NCAPD2: variants seen among roughly 807,000 people sequenced by gnomAD.
NCAPD2 encodes the protein non-SMC condensin I complex subunit D2.
A neutral mutation model predicts 164.5 loss-of-function variants in NCAPD2; 100 were observed. The ratio of observed to expected loss-of-function variants is 0.61; its 90% CI spans 0.52 to 0.72. The LOEUF (loss-of-function observed/expected upper bound fraction) is 0.72. Ranked by LOEUF, NCAPD2 falls within the 30% of genes least tolerant of loss-of-function variation. The pLI is 0.00. For synonymous variants in NCAPD2, 585 were observed against 642.6 expected (o/e 0.91, Z 1.36); for missense variants, 1,560 against 1,749.2 (o/e 0.89, Z 1.93).
chr12:6,529,055 C>T lies in NCAPD2; in HGVS notation c.3572+16C>T, dbSNP rs368481967. The T allele has an allele frequency of 1.2e-6, 2 of 1,604,190 alleles. No homozygotes were observed. The highest frequency in any genetic ancestry group is 1.7e-5 in the Admixed American group (1 of 59,996). On this transcript the variant is annotated intron_variant, in intron 27 of 31. Coordinates refer to ENST00000315579, the MANE Select transcript of NCAPD2 (RefSeq NM_014865.4). ...CCATCATGAAGTATTGCTCCCCGGG[C>T]CCTGGGGCACATTTTCCACATAGCA...
chr12:6,517,934 C>T lies in NCAPD2; in HGVS notation c.1564C>T (p.Gln522Ter), dbSNP rs745591282. 1 of 1,613,910 alleles carries T rather than the reference C, an allele frequency of 6.2e-7. No individual in the cohort carries two copies. The highest frequency in any genetic ancestry group is 1.1e-5 in the South Asian group (1 of 91,048). ...TTEDVKGRIY[Q>*]LLAKASYKKA... is the part of the protein sequence containing the mutation. ...TGAAGATGTGAAAGGACGCATCTAT[C>T]AACTGCTTGCCAAAGCTAGTTACAA... Residue 522 changes from glutamine to a stop codon, truncating the protein, a stop_gained, in exon 13 of 32, where the codon CAA becomes TAA. Coordinates refer to ENST00000315579, the MANE Select transcript of NCAPD2 (RefSeq NM_014865.4). LOFTEE classifies it high-confidence loss of function.
intron 16 of NCAPD2, 71 bp from the exon 17 acceptor site, chr12:6,523,191 G>C: frequency 6.6e-7 from 1 of 1,517,748 alleles, no homozygotes; most frequent in South Asian, 1.1e-5. Flanking sequence ...TGGTGGGATA[G>C]CCCTAATCAC....
intron 2 of NCAPD2, among the ~76,000 whole-genome samples, chr12:6,499,492 A>G (rs868064421): frequency 6.6e-6 from 1 of 152,074 alleles, no homozygotes; most frequent in Non-Finnish European, 1.5e-5. Context: ...GGTTCAAGCA[A>G]TTCTCCTGCT....
intron 22 of NCAPD2, among the ~76,000 whole-genome samples, chr12:6,527,518 T>C (rs1445985910): frequency 6.6e-6 from 1 of 152,268 alleles, no homozygotes; most frequent in Non-Finnish European, 1.5e-5. Context: ...GTGATCCATC[T>C]GTTTACCATA....
chr12:6,515,810 T>G (rs1946193090), intron 9 of NCAPD2, among the ~76,000 whole-genome samples: 1 of 152,224 alleles, frequency 6.6e-6, no homozygotes, highest in Non-Finnish European at 1.5e-5. Context: ...CTCTTAAGGC[T>G]GATTTCCATG....
At chr12:6,506,976 A>T (rs985005867) in intron 2 of NCAPD2, among the ~76,000 whole-genome samples, 14 of 152,360 alleles carry the variant, frequency 9.2e-5, no homozygotes, top group Middle Eastern at 6.8e-3. Flanking sequence ...TTCTCCAGTG[A>T]GAGGGCCTAA....
intron 9 of NCAPD2, among the ~76,000 whole-genome samples, chr12:6,516,144 C>T (rs867197915): frequency 3.3e-5 from 5 of 149,450 alleles, no homozygotes; most frequent in South Asian, 2.1e-4. Context: ...TACAGTGAGC[C>T]GAGATCGCAC....
Position 6,529,507 on chromosome 12 carries a change from C to G in NCAPD2, c.3573-6C>G. The G allele has an allele frequency of 6.2e-7, 1 of 1,613,932 alleles. No homozygotes were observed. Among genetic ancestry groups the G allele is most frequent in the Non-Finnish European group, 8.5e-7 (1 of 1,179,808 alleles). ...CATCGAACATCCTCATCTCCCCTTCCTGCAGACAGCTCCTCTCCTACATCA... is the reference window on the plus strand; with the variant it reads ...CATCGAACATCCTCATCTCCCCTTCGTGCAGACAGCTCCTCTCCTACATCA... On this transcript the variant is annotated splice_region_variant and splice_polypyrimidine_tract_variant and intron_variant, in intron 27 of 31. Coordinates refer to ENST00000315579, the MANE Select transcript of NCAPD2 (RefSeq NM_014865.4).
intron 2 of NCAPD2, among the ~76,000 whole-genome samples, chr12:6,501,486 C>A (rs1215968419): frequency 2.0e-5 from 3 of 152,182 alleles, no homozygotes; most frequent in South Asian, 2.1e-4. Context: ...CCACACCCGG[C>A]CTTACAAGGC....
chr12:6,514,757 TTTC>T lies in NCAPD2; in HGVS notation c.840-12_840-10del. ...TTGATCTATGTTGCTATGGCTGTGT[TTTC>T]TTCCCTGTGTAGAGAGATTGGACAA... On this transcript the variant is annotated splice_polypyrimidine_tract_variant and intron_variant, in intron 8 of 31. Transcript: ENST00000315579. 6.2e-7 allele frequency: 1 copy of T among 1,613,870 alleles called. No homozygotes were observed. The highest frequency in any genetic ancestry group is 8.5e-7 in the Non-Finnish European group (1 of 1,179,776).
At position 6,518,833 on chromosome 12, in the gene NCAPD2, T is replaced by C. The variant is rs192309466; in HGVS notation, c.1589+874T>C. Among the ~76,000 whole-genome samples, 22 of 151,568 alleles carry C rather than the reference T, an allele frequency of 1.5e-4. No homozygotes were observed. The East Asian group carries it at 3.3e-3, about 23-fold the overall frequency. On this transcript the variant is annotated intron_variant, in intron 13 of 31. Coordinates refer to ENST00000315579, the MANE Select transcript of NCAPD2 (RefSeq NM_014865.4). ...ACCGCACTCGGCTGCCAACAAGTATTCTTAAACCTCAGCCACAAGTTATTT... is the reference window on the plus strand; with the variant it reads ...ACCGCACTCGGCTGCCAACAAGTATCCTTAAACCTCAGCCACAAGTTATTT...
intron 13 of NCAPD2, among the ~76,000 whole-genome samples, chr12:6,520,009 C>T (rs1946249522): frequency 6.6e-6 from 1 of 151,978 alleles, no homozygotes; most frequent in African/African-American, 2.4e-5. Flanking sequence ...TGGCGAAACC[C>T]ATCTCTGCTA....
At chr12:6,512,410 A>G (rs1946159869) in intron 6 of NCAPD2, among the ~76,000 whole-genome samples, 1 of 152,198 alleles carries the variant, frequency 6.6e-6, no homozygotes, top group African/African-American at 2.4e-5. Context: ...AGCTATGAGA[A>G]TATGTGGAGG....
chr12:6,515,366 G>T (rs1450090089), intron 9 of NCAPD2, among the ~76,000 whole-genome samples: 1 of 151,804 alleles, frequency 6.6e-6, no homozygotes, highest in Non-Finnish European at 1.5e-5. Context: ...TTTAGTTTTT[G>T]TAGAGGTGGG....
rs781299055 is a variant in NCAPD2 at position 6,517,636 on chromosome 12, C to G, written c.1361C>G (p.Thr454Ser). ...CTTGCCGGACCACTGCAGAAGGAGACCCAGAAATTACAAGAGATGAGGGCC... is the reference window on the plus strand; with the variant it reads ...CTTGCCGGACCACTGCAGAAGGAGAGCCAGAAATTACAAGAGATGAGGGCC... ...ADLAGPLQKE[T>S]QKLQEMRAQR... Residue 454 changes from threonine to serine, a missense_variant, in exon 12 of 32, where the codon ACC becomes AGC. Thr to Ser is a moderately conservative substitution (Grantham distance 58, BLOSUM62 1). Transcript: ENST00000315579. The G allele has an allele frequency of 1.2e-6, 2 of 1,614,196 alleles. No individual in the cohort carries two copies. Among genetic ancestry groups the G allele is most frequent in the Admixed American group, 1.7e-5 (1 of 60,018 alleles).
At chr12:6,512,272 C>CAAAA (rs35978725) in intron 6 of NCAPD2, among the ~76,000 whole-genome samples, 8 of 87,336 alleles carry the variant, frequency 9.2e-5, no homozygotes, top group Non-Finnish European at 1.1e-4. Context: ...ACTCCATCTC[C>CAAAA]AAAAAAAAAA....
Position 6,504,032 on chromosome 12 carries a change from C to T in NCAPD2, c.128-5685C>T, listed in dbSNP as rs550209873. Among the ~76,000 whole-genome samples, 15 of 151,774 alleles carry T rather than the reference C, an allele frequency of 9.9e-5. No individual in the cohort carries two copies. The East Asian group carries it at 2.7e-3, about 27-fold the overall frequency. On this transcript the variant is annotated intron_variant, in intron 2 of 31. Transcript: ENST00000315579. ...GAGCCCTCATAACCTAAACACCTCC[C>T]ATTAGACTCCACCTTCCAACACTGT...
chr12:6,526,606 G>A lies in NCAPD2; in HGVS notation c.2725G>A (p.Glu909Lys). 1 of 1,613,464 alleles carries A rather than the reference G, an allele frequency of 6.2e-7. No individual in the cohort carries two copies. Among genetic ancestry groups the A allele is most frequent in the South Asian group, 1.1e-5 (1 of 91,074 alleles). Reference protein sequence around the residue: ...EKLEEKRTSQEDPKESPAMLP... With the variant: ...EKLEEKRTSQKDPKESPAMLP... ...GCTAGAAGAGAAGAGAACCAGTCAG[G>A]AGGACCCGAGTAAGTGGGCAGGGGT... Residue 909 changes from glutamate (E) to lysine (K), a missense_variant, in exon 21 of 32, where the codon GAG becomes AAG. Physicochemically the swap from Glu to Lys is moderately conservative, Grantham distance 56. Coordinates refer to ENST00000315579, the MANE Select transcript of NCAPD2 (RefSeq NM_014865.4).
At chr12:6,505,547 T>C (rs1258502770) in intron 2 of NCAPD2, among the ~76,000 whole-genome samples, 2 of 152,218 alleles carry the variant, frequency 1.3e-5, no homozygotes, top group African/African-American at 2.4e-5. Context: ...GATTTAATAC[T>C]GCATCTTTAG....
Sources: allele counts gnomAD v4.1 joint callset (sites outside exome capture counted in the v4.1 genomes callset), GRCh38; gene constraint gnomAD v4.1.1; transcripts MANE v1.5; gene names NCBI Gene and HGNC (gene_info 2026-07-23, HGNC 2026-07-21).